LIMD1: variants seen among roughly 807,000 people sequenced by gnomAD.
LIMD1 encodes the protein LIM domain-containing protein 1.
LIMD1 carries 23 observed loss-of-function variants against 58.4 expected under a neutral mutation model. The ratio of observed to expected loss-of-function variants is 0.39; its 90% CI spans 0.28 to 0.56. LIMD1 has a LOEUF of 0.56. Ranked by LOEUF, LIMD1 falls within the 20% of genes least tolerant of loss-of-function variation. LIMD1 has a pLI of 0.57. For synonymous variants in LIMD1, 334 were observed against 345.5 expected (o/e 0.97, Z 0.37); for missense variants, 838 against 855.5 (o/e 0.98, Z 0.25).
chr3:45,643,457 C>T (rs1240746733), intron 2 of LIMD1, among the ~76,000 whole-genome samples: 2 of 151,532 alleles, frequency 1.3e-5, no homozygotes, highest in East Asian at 1.9e-4. Flanking sequence ...TGTACTCCAT[C>T]CTGGGCGACA....
At chr3:45,676,434 T>G (rs1042422938) in intron 7 of LIMD1, among the ~76,000 whole-genome samples, 2 of 151,858 alleles carry the variant, frequency 1.3e-5, no homozygotes, top group Non-Finnish European at 2.9e-5. Context: ...TATTGTCCCA[T>G]CCTCTAAGTT....
At chr3:45,603,518 G>A (rs530887916) in intron 1 of LIMD1, among the ~76,000 whole-genome samples, 2 of 152,024 alleles carry the variant, frequency 1.3e-5, no homozygotes, top group South Asian at 4.2e-4. Context: ...TGAACCAGCC[G>A]AATCCAGGTT....
chr3:45,673,548 A>G (rs1295731829), intron 6 of LIMD1, 43 bp downstream of exon 6: 3 of 1,426,042 alleles, frequency 2.1e-6, no homozygotes, highest in South Asian at 1.1e-5. Flanking sequence ...CTTCTAAGAC[A>G]TGAATATCTC....
At position 45,660,635 on chromosome 3, in the gene LIMD1, C is replaced by T. The variant is rs1389974545; in HGVS notation, c.1511-5015C>T. 2.0e-5 allele frequency among the ~76,000 whole-genome samples: 3 copies of T among 151,956 alleles called. No individual in the cohort carries two copies. In the South Asian group the frequency reaches 6.2e-4, roughly 31 times the overall value. On this transcript the variant is annotated intron_variant, in intron 2 of 7. Coordinates refer to ENST00000273317, the MANE Select transcript of LIMD1 (RefSeq NM_014240.3). ...TTCGCCATGTTGGCCAGGCTGGTCT[C>T]GAACTCGTGATCTCAAGTGGTCCAA... is the stretch of plus-strand genomic sequence containing the variant.
intron 1 of LIMD1, among the ~76,000 whole-genome samples, chr3:45,623,790 C>T (rs907429858): frequency 6.6e-6 from 1 of 152,120 alleles, no homozygotes; most frequent in African/African-American, 2.4e-5. Context: ...ATCTGTGGTT[C>T]TCGTCCCTGG....
At chr3:45,629,723 C>T (rs1329486780) in intron 1 of LIMD1, among the ~76,000 whole-genome samples, 3 of 152,086 alleles carry the variant, frequency 2.0e-5, no homozygotes, top group African/African-American at 7.2e-5. Context: ...GAGAGGATGC[C>T]AGGAGCACAC....
rs185474963 is a variant in LIMD1 at position 45,682,754 on chromosome 3, T to A, written c.*5695T>A. Reference sequence around the variant, plus strand: ...TTGATGGGAGGCAGTAAATTGTCCATCAGTATACTTCTTCATCAAAGCTAC... The same window carrying A: ...TTGATGGGAGGCAGTAAATTGTCCAACAGTATACTTCTTCATCAAAGCTAC... On this transcript the variant is annotated 3_prime_UTR_variant, in exon 8 of 8. Coordinates refer to ENST00000273317, the MANE Select transcript of LIMD1 (RefSeq NM_014240.3). The A allele has an allele frequency of 1.5e-4, 23 of 152,316 alleles. No individual in the cohort carries two copies. Among genetic ancestry groups the A allele is most frequent in the Admixed American group, 1.4e-3 (21 of 15,296 alleles). The allele number at this position is 152,316 out of a possible 1,614,324, so 9.4% of individuals were successfully genotyped here.
At chr3:45,637,699 C>T (rs1458454522) in intron 2 of LIMD1, among the ~76,000 whole-genome samples, 1 of 152,218 alleles carries the variant, frequency 6.6e-6, no homozygotes, top group Non-Finnish European at 1.5e-5. Context: ...AGGGGAAGAA[C>T]TTGCTCACAG....
At chr3:45,627,085 CCTT>C (rs1486226868) in intron 1 of LIMD1, among the ~76,000 whole-genome samples, 1 of 152,132 alleles carries the variant, frequency 6.6e-6, no homozygotes, top group African/African-American at 2.4e-5. Flanking sequence ...CACACAAACA[CCTT>C]CTTCTGGGGC....
At chr3:45,596,714 G>T (rs548392334) in intron 1 of LIMD1, among the ~76,000 whole-genome samples, 2 of 152,224 alleles carry the variant, frequency 1.3e-5, no homozygotes, top group East Asian at 3.9e-4. Flanking sequence ...AGATCTGGTT[G>T]ATCTGGCTGT....
chr3:45,676,897 C>G, intron 7 of LIMD1, 25 bp from the exon 8 acceptor site: 1 of 1,613,448 alleles, frequency 6.2e-7, no homozygotes. Context: ...TTTTGCTTCC[C>G]CTGGACATGT....
intron 1 of LIMD1, among the ~76,000 whole-genome samples, chr3:45,628,700 G>A (rs915979967): frequency 3.3e-5 from 5 of 152,010 alleles, no homozygotes; most frequent in Admixed American, 6.5e-5. Context: ...CATTACAAAC[G>A]CTTGTACACA....
intron 1 of LIMD1, among the ~76,000 whole-genome samples, chr3:45,634,253 C>T (rs958547199): frequency 2.0e-5 from 3 of 152,100 alleles, no homozygotes; most frequent in Non-Finnish European, 4.4e-5. Context: ...TATATTCCTC[C>T]GTGAATCTTT....
intron 1 of LIMD1, among the ~76,000 whole-genome samples, chr3:45,611,290 A>G (rs1701520124): frequency 6.6e-6 from 1 of 152,214 alleles, no homozygotes; most frequent in Admixed American, 6.5e-5. Flanking sequence ...TGCCTGATGC[A>G]AGGGATGGCA....
At chr3:45,662,432 TTGTG>T (rs1213994735) in intron 2 of LIMD1, among the ~76,000 whole-genome samples, 2 of 152,140 alleles carry the variant, frequency 1.3e-5, no homozygotes, top group African/African-American at 4.8e-5. Context: ...TATATAAAAA[TTGTG>T]TGTGTATTTT....
Position 45,674,335 on chromosome 3 carries a change from G to C in LIMD1, c.1825-8G>C, listed in dbSNP as rs1176850449. 6 of 1,612,482 alleles carry C rather than the reference G, an allele frequency of 3.7e-6. No homozygotes were observed. The African/African-American group carries it at 6.7e-5, about 18-fold the overall frequency. On this transcript the variant is annotated splice_region_variant and splice_polypyrimidine_tract_variant and intron_variant, in intron 6 of 7. Transcript: ENST00000273317. ...CTCCTATGTGTTCTTGCTTTTCTCT[G>C]GTCCCAGGGCTCAGATGAGACCATC...
intron 1 of LIMD1, among the ~76,000 whole-genome samples, chr3:45,598,023 T>G (rs1000160114): frequency 1.3e-5 from 2 of 152,196 alleles, no homozygotes; most frequent in African/African-American, 4.8e-5. Flanking sequence ...GGTCTTGCCT[T>G]GTTGCCCAGG....
In LIMD1 at chr3:45,595,163, G is replaced by A. The variant is rs1367803198; in HGVS notation, c.284G>A (p.Ser95Asn). 1 of 1,605,006 alleles carries A rather than the reference G, an allele frequency of 6.2e-7. No homozygotes were observed. The highest frequency in any genetic ancestry group is 8.5e-7 in the Non-Finnish European group (1 of 1,175,576). Residue 95 changes from serine to asparagine, a missense_variant, in exon 1 of 8, where the codon AGC becomes AAC. Physicochemically the swap from Ser to Asn is conservative, Grantham distance 46. This residue lies in a region of LIMD1 where 659 missense variants were observed against 639.8 expected (regional missense o/e 1.03). Coordinates refer to ENST00000273317, the MANE Select transcript of LIMD1 (RefSeq NM_014240.3). The part of the protein sequence containing the change: ...GPQARWEVVG[S>N]KLTVDGAAKP... Reference sequence around the variant, plus strand: ...CAGGCCCGTTGGGAAGTTGTGGGCAGCAAGCTGACTGTGGATGGTGCTGCC... The same window carrying A: ...CAGGCCCGTTGGGAAGTTGTGGGCAACAAGCTGACTGTGGATGGTGCTGCC...
intron 2 of LIMD1, among the ~76,000 whole-genome samples, chr3:45,637,685 G>T (rs1701802607): frequency 6.6e-6 from 1 of 152,212 alleles, no homozygotes; most frequent in African/African-American, 2.4e-5. Context: ...TTCTGGAGAA[G>T]GGAAGGGGAA....
Sources: allele counts gnomAD v4.1 joint callset (sites outside exome capture counted in the v4.1 genomes callset), GRCh38; gene constraint gnomAD v4.1.1; regional missense constraint gnomAD v4.1.1; transcripts MANE v1.5; gene names NCBI Gene and HGNC (gene_info 2026-07-23, HGNC 2026-07-21).